The following UNC13C variants were observed in gnomAD, a reference collection of about 807,000 sequenced individuals.
The protein encoded by UNC13C is unc-13 homolog C.
In UNC13C, 174 loss-of-function variants were observed where a neutral mutation model predicts 245.4. The observed-to-expected ratio is 0.71, with a 90% confidence interval of 0.63 to 0.80. The LOEUF (loss-of-function observed/expected upper bound fraction) is 0.80, where lower values mean the gene tolerates loss of function less well. Ranked by LOEUF, UNC13C falls within the 30% of genes least tolerant of loss-of-function variation. UNC13C has a pLI of 0.00. For missense variants in UNC13C, 2,829 were observed against 2,602.9 expected (o/e 1.09, Z -1.89); for synonymous variants, 992 against 895.1 (o/e 1.11, Z -1.93).
chr15:54,437,757 G>A (rs2140985364), intron 19 of UNC13C, among the ~76,000 whole-genome samples: 1 of 152,012 alleles, frequency 6.6e-6, no homozygotes, highest in Non-Finnish European at 1.5e-5. Context: ...CAGACGACAT[G>A]TTTGAACCCA....
At position 54,338,400 on chromosome 15, in the gene UNC13C, G is replaced by C. The variant is rs1303344588; in HGVS notation, c.4624G>C (p.Val1542Leu). Residue 1542 changes from valine to leucine, a missense_variant, in exon 17 of 33, where the codon GTG becomes CTG. Val to Leu is a conservative substitution (Grantham distance 32). Transcript: ENST00000260323. The stretch of plus-strand genomic sequence containing the variant: ...AAGCCCCCCAAAAGCGAGCATGGTG[G>C]TGAAGGACTGTGTAAGGGCTTGCCT... ...LQSPPKASMV[V>L]KDCVRACLDS... 1.2e-6 allele frequency: 2 copies of C among 1,613,376 alleles called. No individual in the cohort carries two copies. Among genetic ancestry groups the C allele is most frequent in the African/African-American group, 2.7e-5 (2 of 74,890 alleles).
Position 54,339,723 on chromosome 15 carries a change from G to A in UNC13C, c.4713+1234G>A, listed in dbSNP as rs1019939869. On this transcript the variant is annotated intron_variant, in intron 17 of 32. Transcript: ENST00000260323. ...CATTTAGGCTGGTTCCATATTTTTAGAATTGTAAATTGTGCTGCTATAAAC... is the reference window on the plus strand; with the variant it reads ...CATTTAGGCTGGTTCCATATTTTTAAAATTGTAAATTGTGCTGCTATAAAC... Among the ~76,000 whole-genome samples, 4 of 151,732 alleles carry A rather than the reference G, an allele frequency of 2.6e-5. 1 individual carries two copies. In the Middle Eastern group the frequency reaches 0.01, roughly 387 times the overall value.
chr15:53,924,151 G>A, the UNC13C span, among the ~76,000 whole-genome samples: 3 of 148,684 alleles, frequency 2.0e-5, no homozygotes, highest in Admixed American at 6.7e-5. Flanking sequence ...AGGTTGCAGT[G>A]AGCCGAGATC....
intron 2 of UNC13C, among the ~76,000 whole-genome samples, chr15:54,068,423 C>A (rs915276161): frequency 3.3e-5 from 5 of 152,174 alleles, no homozygotes; most frequent in African/African-American, 1.2e-4. Context: ...TAAATCCAAG[C>A]AGCCACCTGC....
At chr15:53,885,894 G>A in the UNC13C span, among the ~76,000 whole-genome samples, 8 of 152,144 alleles carry the variant, frequency 5.3e-5, no homozygotes, top group Admixed American at 5.2e-4. Context: ...TCATTAATAA[G>A]GTTGTTTCTC....
intron 1 of UNC13C, among the ~76,000 whole-genome samples, chr15:53,983,196 C>T (rs367548839): frequency 2.0e-5 from 3 of 152,088 alleles, no homozygotes; most frequent in Non-Finnish European, 4.4e-5. Context: ...TACTTAGCTG[C>T]TAACTTTTTA....
chr15:53,982,198 T>A (rs2140947477), intron 1 of UNC13C, among the ~76,000 whole-genome samples: 1 of 152,264 alleles, frequency 6.6e-6, no homozygotes, highest in Admixed American at 6.5e-5. Context: ...ACAGCCAATT[T>A]TTGTTGGCCC....
At chr15:54,476,874 A>G (rs1473606912) in intron 19 of UNC13C, among the ~76,000 whole-genome samples, 1 of 151,220 alleles carries the variant, frequency 6.6e-6, no homozygotes, top group Non-Finnish European at 1.5e-5. Context: ...TGGGGATGGC[A>G]TTGAATCTAT....
chr15:54,589,546 C>T (rs572896919), intron 30 of UNC13C, among the ~76,000 whole-genome samples: 57 of 152,192 alleles, frequency 3.7e-4, no homozygotes, highest in African/African-American at 1.3e-3. Context: ...ATCCACCTGC[C>T]TCAGCCTCCC....
At chr15:53,910,110 A>C in the UNC13C span, among the ~76,000 whole-genome samples, 1 of 142,038 alleles carries the variant, frequency 7.0e-6, no homozygotes, top group African/African-American at 2.5e-5. Context: ...CTCTGCTTGA[A>C]TTAAAAACTT....
At chr15:53,912,433 G>C in the UNC13C span, 3 of 152,214 alleles carry the variant, frequency 2.0e-5, no homozygotes, top group African/African-American at 7.2e-5. Context: ...CACTGGTGCA[G>C]ACTGCAGTCT....
rs143294690 is a variant in UNC13C, at chr15:54,440,442, A to G, written c.4933+25375A>G. ...CTGTGCCTGGCTTATTTCACCTAAC[A>G]TAATGACCTCCAGTTTCATTCATGT... On this transcript the variant is annotated intron_variant, in intron 19 of 32. Coordinates refer to ENST00000260323, the MANE Select transcript of UNC13C (RefSeq NM_001080534.3). 4.4e-3 allele frequency among the ~76,000 whole-genome samples: 667 copies of G among 152,136 alleles called. 3 individuals are homozygous for G. The highest frequency in any genetic ancestry group is 7.4e-3 in the Non-Finnish European group (501 of 67,984).
At chr15:54,463,268 G>GGT in intron 19 of UNC13C, among the ~76,000 whole-genome samples, 1 of 27,004 alleles carries the variant, frequency 3.7e-5, no homozygotes, top group Non-Finnish European at 1.4e-4. Flanking sequence ...ATGTGGGCGG[G>GGT]GGGGGGGGGG....
intron 2 of UNC13C, among the ~76,000 whole-genome samples, chr15:54,070,250 G>A (rs2141095959): frequency 6.6e-6 from 1 of 152,180 alleles, no homozygotes; most frequent in East Asian, 1.9e-4. Flanking sequence ...TTGAGGCACT[G>A]AGCTAATTGT....
intron 19 of UNC13C, among the ~76,000 whole-genome samples, chr15:54,453,102 C>T (rs1011052578): frequency 1.3e-5 from 2 of 152,126 alleles, no homozygotes; most frequent in East Asian, 1.9e-4. Flanking sequence ...TGAGCTCATT[C>T]TCTCTCTCTA....
intron 30 of UNC13C, among the ~76,000 whole-genome samples, chr15:54,618,129 G>T (rs1280485786): frequency 6.6e-6 from 1 of 152,120 alleles, no homozygotes; most frequent in African/African-American, 2.4e-5. Flanking sequence ...ATTATGGTAG[G>T]TGAGAGATTC....
At chr15:54,061,224 A>G (rs141481215) in intron 2 of UNC13C, among the ~76,000 whole-genome samples, 29 of 152,284 alleles carry the variant, frequency 1.9e-4, no homozygotes, top group African/African-American at 6.7e-4. Flanking sequence ...AAGGATTGGT[A>G]CTAGAAAGGA....
chr15:54,041,898 G>A (rs1452974651), intron 2 of UNC13C, among the ~76,000 whole-genome samples: 1 of 152,142 alleles, frequency 6.6e-6, no homozygotes, highest in Non-Finnish European at 1.5e-5. Flanking sequence ...TGGGGGTATA[G>A]TGCCGTCAGT....
chr15:54,026,721 G>A (rs1896124962), intron 2 of UNC13C, among the ~76,000 whole-genome samples: 1 of 152,150 alleles, frequency 6.6e-6, no homozygotes, highest in Non-Finnish European at 1.5e-5. Context: ...GTATCCTGAT[G>A]ATTCCAAATC....
Sources: gnomAD v4.1 joint callset for allele counts (sites outside exome capture counted in the v4.1 genomes callset) on GRCh38, gnomAD v4.1.1 for gene constraint, MANE v1.5 for transcripts, NCBI Gene and HGNC (gene_info 2026-07-23, HGNC 2026-07-21) for gene names.